Variants in AGAP1 observed in about 807,000 individuals in gnomAD.
The protein encoded by AGAP1 is arf-GAP with GTPase, ANK repeat and PH domain-containing protein 1.
In AGAP1, 29 loss-of-function variants were observed where a neutral mutation model predicts 105.3. The ratio of observed to expected loss-of-function variants is 0.28; its 90% CI spans 0.21 to 0.38. AGAP1 has a LOEUF of 0.38. AGAP1 is among the 10% of genes least tolerant of loss of function. AGAP1 has a pLI of 1.00. For missense variants in AGAP1, 998 were observed against 1,165.1 expected (o/e 0.86, Z 2.09); for synonymous variants, 509 against 485.9 (o/e 1.05, Z -0.63).
Position 236,036,024 on chromosome 2 carries a change from C to T in AGAP1, c.1646-537C>T, listed in dbSNP as rs1382060098. ...TCTCAGCTGAGATCCTCCTAAGGCA[C>T]GCGGGATCCCATGCACTCTCCCTGT... is the stretch of plus-strand genomic sequence containing the variant. On this transcript the variant is annotated intron_variant, in intron 13 of 17. Transcript: ENST00000304032. The surrounding 1 kb of genome is among the most constrained non-coding windows in gnomAD (Gnocchi z 5.7). 1.3e-5 allele frequency among the ~76,000 whole-genome samples: 2 copies of T among 152,032 alleles called. No homozygotes were observed. Among genetic ancestry groups the T allele is most frequent in the Non-Finnish European group, 2.9e-5 (2 of 68,002 alleles).
rs1946885001 is a variant in AGAP1 at position 235,633,234 on chromosome 2, G to A, written c.164-75945G>A. On this transcript the variant is annotated intron_variant, in intron 1 of 17. Transcript: ENST00000304032. The surrounding 1 kb of genome is among the most constrained non-coding windows in gnomAD (Gnocchi z 4.8). ...GGAATGAAGACCCGAAGATTCAGGG[G>A]AGGTCGTCTGTGTGCCTTGGTTCCA... 1.3e-5 allele frequency among the ~76,000 whole-genome samples: 2 copies of A among 152,154 alleles called. No homozygotes were observed.
At chr2:235,907,735 A>G (rs1183985745) in intron 10 of AGAP1, among the ~76,000 whole-genome samples, 1 of 152,350 alleles carries the variant, frequency 6.6e-6, no homozygotes, top group East Asian at 1.9e-4. Flanking sequence ...TAGTATTTAT[A>G]TATAACCTGC....
intron 9 of AGAP1, among the ~76,000 whole-genome samples, chr2:235,870,097 A>G (rs1020996070): frequency 6.6e-6 from 1 of 152,130 alleles, no homozygotes; most frequent in African/African-American, 2.4e-5. Flanking sequence ...TTCGGACACT[A>G]GCTACTTCAC....
intron 1 of AGAP1, among the ~76,000 whole-genome samples, chr2:235,590,479 A>G (rs1167294671): frequency 6.6e-6 from 1 of 152,034 alleles, no homozygotes; most frequent in African/African-American, 2.4e-5. Flanking sequence ...AGGTGTGGGC[A>G]GGAAGGGACG....
chr2:235,506,226 C>T (rs184477115), intron 1 of AGAP1, among the ~76,000 whole-genome samples: 50 of 152,196 alleles, frequency 3.3e-4, no homozygotes, highest in Middle Eastern at 6.8e-3. Flanking sequence ...CCACTGTGCC[C>T]GGCCCTGTTT....
intron 1 of AGAP1, among the ~76,000 whole-genome samples, chr2:235,594,963 A>G (rs1030096940): frequency 4.5e-4 from 65 of 145,318 alleles, no homozygotes; most frequent in African/African-American, 1.5e-3. Flanking sequence ...TGCTATCTAG[A>G]GGAGGTAGCT....
chr2:235,891,610 C>T lies in AGAP1; in HGVS notation c.1155+8161C>T, dbSNP rs1219616108. ...TCATCTTCCATGTCGCAAGCACGGC[C>T]GTCGAGTGCAAGGCTGCAATTCCCT... On this transcript the variant is annotated intron_variant, in intron 10 of 17. Transcript: ENST00000304032. This position sits in a 1 kb window ranked among gnomAD's most constrained non-coding sequence, Gnocchi z 4.2. 2.0e-5 allele frequency among the ~76,000 whole-genome samples: 3 copies of T among 152,152 alleles called. No homozygotes were observed. The highest frequency in any genetic ancestry group is 4.4e-5 in the Non-Finnish European group (3 of 68,042).
intron 6 of AGAP1, among the ~76,000 whole-genome samples, chr2:235,765,464 GCAGCAGTC>G (rs1287257443): frequency 6.6e-6 from 1 of 152,138 alleles, no homozygotes; most frequent in Non-Finnish European, 1.5e-5. Context: ...AAATTAATCA[GCAGCAGTC>G]CAGCCTAAAA....
intron 1 of AGAP1, among the ~76,000 whole-genome samples, chr2:235,627,335 C>T (rs1229974909): frequency 4.0e-5 from 6 of 151,672 alleles, no homozygotes; most frequent in Non-Finnish European, 7.4e-5. Context: ...AGCAATTCTC[C>T]TGCCTCGGCC....
chr2:235,922,331 C>T (rs183859528), intron 11 of AGAP1, among the ~76,000 whole-genome samples: 1 of 152,334 alleles, frequency 6.6e-6, no homozygotes, highest in African/African-American at 2.4e-5. Flanking sequence ...GTCTGTTTTA[C>T]ACTCAAGTGC....
At chr2:235,650,580 G>A (rs1947549288) in intron 1 of AGAP1, among the ~76,000 whole-genome samples, 1 of 152,178 alleles carries the variant, frequency 6.6e-6, no homozygotes, top group African/African-American at 2.4e-5. Context: ...GCAGTCTCAT[G>A]CTGTGGCAAG....
chr2:235,829,079 C>T (rs1959182439), intron 9 of AGAP1, among the ~76,000 whole-genome samples: 1 of 151,984 alleles, frequency 6.6e-6, no homozygotes, highest in Admixed American at 6.5e-5. Flanking sequence ...GGTAGATGGG[C>T]ACCAGTGACT....
At chr2:235,771,999 CTTTTT>C (rs961967325) in intron 6 of AGAP1, among the ~76,000 whole-genome samples, 3 of 135,108 alleles carry the variant, frequency 2.2e-5, no homozygotes, top group African/African-American at 8.3e-5. Context: ...CTTTTCTTAT[CTTTTT>C]TTTTTTTTTG....
rs1281237286 is a variant in AGAP1, at chr2:235,612,349, T to C, written c.164-96830T>C. Among the ~76,000 whole-genome samples the C allele has an allele frequency of 6.6e-6, 1 of 152,136 alleles. No individual in the cohort carries two copies. Among genetic ancestry groups the C allele is most frequent in the Admixed American group, 6.5e-5 (1 of 15,280 alleles). On this transcript the variant is annotated intron_variant, in intron 1 of 17. Transcript: ENST00000304032. The surrounding 1 kb of genome is among the most constrained non-coding windows in gnomAD (Gnocchi z 4.3). ...AAAGTGGGGCTCAGATGCCCCTTGG[T>C]TGCATTTAATGTGTGTGCATAATCA...
At chr2:235,939,052 G>A (rs2053127818) in intron 12 of AGAP1, among the ~76,000 whole-genome samples, 1 of 152,148 alleles carries the variant, frequency 6.6e-6, no homozygotes, top group South Asian at 2.1e-4. Flanking sequence ...TGTGAATGGT[G>A]GTTATAGGAC....
At chr2:235,774,220 C>A (rs1955682309) in intron 6 of AGAP1, 1 of 401,588 alleles carries the variant, frequency 2.5e-6, no homozygotes, top group Middle Eastern at 8.8e-4. Context: ...CATCTATAAA[C>A]TAAAAATGCA....
chr2:236,057,174 T>C (rs566870660), intron 16 of AGAP1, among the ~76,000 whole-genome samples: 1 of 152,194 alleles, frequency 6.6e-6, no homozygotes, highest in Non-Finnish European at 1.5e-5. Context: ...AGTGGTGCAA[T>C]CTCGGCTCAC....
rs533137032 is a variant in AGAP1 at position 235,661,308 on chromosome 2, G to A, written c.164-47871G>A. Among the ~76,000 whole-genome samples the A allele has an allele frequency of 1.3e-4, 20 of 152,236 alleles. No individual in the cohort carries two copies. In the South Asian group the frequency reaches 3.1e-3, roughly 24 times the overall value. On this transcript the variant is annotated intron_variant, in intron 1 of 17. Transcript: ENST00000304032. ...GTTTCTGTTTTCTGTTAAGTGGGAC[G>A]TAATCGAGTGTTTTCCTCTGCCGCC...
intron 1 of AGAP1, among the ~76,000 whole-genome samples, chr2:235,534,305 TTCACACAGTCCATGTTTAA>T (rs1943138884): frequency 6.6e-6 from 1 of 152,166 alleles, no homozygotes; most frequent in Non-Finnish European, 1.5e-5. Context: ...CCACGTCACC[TTCACACAGTCCATGTTTAA>T]TAAGAGGTCG....
Sources: allele counts gnomAD v4.1 joint callset (sites outside exome capture counted in the v4.1 genomes callset), GRCh38; gene constraint gnomAD v4.1.1; non-coding constraint Gnocchi (gnomAD v3.1); transcripts MANE v1.5; gene names NCBI Gene and HGNC (gene_info 2026-07-23, HGNC 2026-07-21).